The following PCDH15 variants were observed in gnomAD, a reference collection of about 807,000 sequenced individuals.
PCDH15 encodes the protein protocadherin related 15.
Under a neutral mutation model 178.5 loss-of-function variants are expected in PCDH15, and 129 were observed. The ratio of observed to expected loss-of-function variants is 0.72; its 90% CI spans 0.63 to 0.84. The LOEUF (loss-of-function observed/expected upper bound fraction) is 0.84. PCDH15 is among the 40% of genes least tolerant of loss of function. The probability of loss-of-function intolerance (pLI) is 0.00; values close to 1 mark genes in which losing one functional copy is unlikely to be tolerated. For missense variants in PCDH15, 2,230 were observed against 2,099.9 expected, an observed-to-expected ratio of 1.06 and a Z score of -1.21; for synonymous variants, 800 against 732.0, an observed-to-expected ratio of 1.09 and a Z score of -1.50.
At chr10:55,242,978 G>A (rs926350682) in intron 1 of PCDH15, among the ~76,000 whole-genome samples, 21 of 152,162 alleles carry the variant, frequency 1.4e-4, no homozygotes, top group African/African-American at 4.8e-4. Flanking sequence ...GGAACATTTG[G>A]AATAAGTTTT....
intron 15 of PCDH15, among the ~76,000 whole-genome samples, chr10:54,093,856 A>G (rs960919730): frequency 6.6e-6 from 1 of 152,218 alleles, no homozygotes; most frequent in East Asian, 1.9e-4. Context: ...TAACTGTATC[A>G]TCTTGAAAAT....
At chr10:54,187,779 A>G (rs1343823661) in intron 11 of PCDH15, among the ~76,000 whole-genome samples, 1 of 151,854 alleles carries the variant, frequency 6.6e-6, no homozygotes, top group Non-Finnish European at 1.5e-5. Flanking sequence ...ATTTATGTAT[A>G]TTTAAAATAA....
chr10:54,284,682 AT>A (rs2058925408), intron 8 of PCDH15, among the ~76,000 whole-genome samples: 1 of 152,212 alleles, frequency 6.6e-6, no homozygotes, highest in Non-Finnish European at 1.5e-5. Context: ...AGAGCTGCCC[AT>A]TGTGGTCAAA....
rs1163894175 is a variant in PCDH15, at chr10:55,223,149, T to A, written c.-155-56498A>T. Among the ~76,000 whole-genome samples the A allele has an allele frequency of 5.3e-5, 8 of 152,198 alleles. No homozygotes were observed. The East Asian group carries it at 1.4e-3, about 26-fold the overall frequency. ...GTGACCGAGGTATTAATATTGAGCA[T>A]AATTTTATTTATTTTCATTTAATTT... On this transcript the variant is annotated intron_variant, in intron 1 of 5. Coordinates refer to the PCDH15 transcript ENST00000458638.
intron 2 of PCDH15, among the ~76,000 whole-genome samples, chr10:55,535,068 AG>A (rs1841541113): frequency 6.6e-6 from 1 of 151,878 alleles, no homozygotes; most frequent in Non-Finnish European, 1.5e-5. Context: ...GGAGGAACGG[AG>A]AAAGCATGGG....
At chr10:54,957,662 A>C (rs1838523787) in intron 2 of PCDH15, among the ~76,000 whole-genome samples, 1 of 151,254 alleles carries the variant, frequency 6.6e-6, no homozygotes, top group African/African-American at 2.4e-5. Context: ...GCAGGAAGGA[A>C]AATGCCAGAA....
chr10:55,091,439 T>G (rs1161022502), intron 2 of PCDH15, among the ~76,000 whole-genome samples: 1 of 149,854 alleles, frequency 6.7e-6, no homozygotes, highest in South Asian at 2.1e-4. Context: ...TTTTAAAAAA[T>G]GCTAATGCTA....
intron 22 of PCDH15, among the ~76,000 whole-genome samples, chr10:53,960,738 C>T (rs530317621): frequency 1.3e-5 from 2 of 152,266 alleles, no homozygotes; most frequent in African/African-American, 4.8e-5. Flanking sequence ...TGGGTTAATG[C>T]TAATTTACAA....
chr10:55,476,876 C>T lies in PCDH15; in HGVS notation c.-156+150749G>A, dbSNP rs1166216694. On this transcript the variant is annotated intron_variant, in intron 2 of 5. Coordinates refer to the PCDH15 transcript ENST00000613346. ...TGTCCCTGATTATCTTCTTTCCTCA[C>T]TTATTGTGCTGCCTCTCCCCTCGTG... Among the ~76,000 whole-genome samples the T allele has an allele frequency of 2.0e-5, 3 of 151,912 alleles. No individual in the cohort carries two copies. The East Asian group carries it at 5.8e-4, about 29-fold the overall frequency.
chr10:54,869,933 T>A (rs1296321002), intron 3 of PCDH15, among the ~76,000 whole-genome samples: 2 of 152,136 alleles, frequency 1.3e-5, no homozygotes, highest in East Asian at 3.9e-4. Context: ...CAATACTCCA[T>A]CCGCTTGAAA....
Position 54,633,320 on chromosome 10 carries a change from G to T in PCDH15, c.91+30852C>A, listed in dbSNP as rs893705989. Among the ~76,000 whole-genome samples the T allele has an allele frequency of 6.6e-5, 10 of 152,150 alleles. No homozygotes were observed. In the East Asian group the frequency reaches 1.9e-3, roughly 29 times the overall value. The stretch of plus-strand genomic sequence containing the variant: ...CTTTTGTGAGATGCAAGGGATGTTG[G>T]GTTGTAGGCAGAGCTAGAAATCTTT... On this transcript the variant is annotated intron_variant, in intron 2 of 37. Transcript: ENST00000644397.
intron 2 of PCDH15, among the ~76,000 whole-genome samples, chr10:55,403,392 CT>C (rs1195449415): frequency 6.6e-6 from 1 of 151,238 alleles, no homozygotes; most frequent in African/African-American, 2.4e-5. Flanking sequence ...TACCATTTGC[CT>C]TTTTTTTCTT....
chr10:54,108,531 G>A (rs568381270), intron 15 of PCDH15, among the ~76,000 whole-genome samples: 45 of 152,222 alleles, frequency 3.0e-4, no homozygotes, highest in South Asian at 1.0e-3. Context: ...AGGGCTCTGG[G>A]GTTCTAGGTA....
intron 2 of PCDH15, among the ~76,000 whole-genome samples, chr10:55,535,980 T>C (rs948382281): frequency 1.3e-5 from 2 of 152,046 alleles, no homozygotes; most frequent in African/African-American, 2.4e-5. Context: ...TAAAAATATA[T>C]ATATTTTGAA....
At chr10:54,563,410 C>G (rs942048999) in intron 2 of PCDH15, among the ~76,000 whole-genome samples, 2 of 152,074 alleles carry the variant, frequency 1.3e-5, no homozygotes, top group African/African-American at 4.8e-5. Context: ...AGTATCTGGA[C>G]TTGCCGGGTA....
chr10:54,914,073 G>A (rs962647555), intron 2 of PCDH15, among the ~76,000 whole-genome samples: 1 of 152,118 alleles, frequency 6.6e-6, no homozygotes. Context: ...TGTTTGAAAG[G>A]CATAATTGTG....
At chr10:54,812,400 A>G (rs1952877179) in intron 3 of PCDH15, among the ~76,000 whole-genome samples, 1 of 151,162 alleles carries the variant, frequency 6.6e-6, no homozygotes, top group African/African-American at 2.4e-5. Context: ...CCTCCCAAGT[A>G]GCTGGGATTA....
At chr10:54,807,572 C>G (rs973524097) in intron 3 of PCDH15, among the ~76,000 whole-genome samples, 1 of 151,184 alleles carries the variant, frequency 6.6e-6, no homozygotes, top group Non-Finnish European at 1.5e-5. Flanking sequence ...GTCAAGCCAG[C>G]CTTATGTTGT....
At chr10:55,073,337 T>C (rs1157723657) in intron 2 of PCDH15, among the ~76,000 whole-genome samples, 3 of 152,102 alleles carry the variant, frequency 2.0e-5, no homozygotes, top group Non-Finnish European at 2.9e-5. Context: ...CATGATTGTA[T>C]ATCTAGAAAA....
Sources: gnomAD v4.1 joint callset for allele counts (sites outside exome capture counted in the v4.1 genomes callset) on GRCh38, gnomAD v4.1.1 for gene constraint, MANE v1.5 for transcripts, NCBI Gene and HGNC (gene_info 2026-07-23, HGNC 2026-07-21) for gene names.